KCNIP4: variants seen among roughly 807,000 people sequenced by gnomAD.
The protein encoded by KCNIP4 is Kv channel-interacting protein 4.
Under a neutral mutation model 34.0 loss-of-function variants are expected in KCNIP4, and 12 were observed. The observed-to-expected ratio is 0.35, with a 90% CI of 0.23 to 0.57. The LOEUF is 0.57. KCNIP4 is among the 20% of genes least tolerant of loss of function. The pLI is 0.83. For missense variants in KCNIP4, 238 were observed against 311.7 expected (o/e 0.76, Z 1.78); for synonymous variants, 124 against 102.2 (o/e 1.21, Z -1.29).
intron 1 of KCNIP4, among the ~76,000 whole-genome samples, chr4:21,335,439 C>A (rs571821904): frequency 3.7e-4 from 56 of 152,190 alleles, no homozygotes; most frequent in African/African-American, 1.3e-3. Flanking sequence ...AAATATGATA[C>A]CGAAAGCATT....
At chr4:20,758,542 C>T (rs1021862240) in intron 4 of KCNIP4, among the ~76,000 whole-genome samples, 1 of 151,992 alleles carries the variant, frequency 6.6e-6, no homozygotes, top group Admixed American at 6.6e-5. Flanking sequence ...TTTTTGAGCA[C>T]CCTCATAATA....
At chr4:21,084,651 G>A (rs1328100854) in intron 1 of KCNIP4, among the ~76,000 whole-genome samples, 8 of 150,000 alleles carry the variant, frequency 5.3e-5, no homozygotes. Context: ...ATTTTTAACA[G>A]CACCTTATTC....
intron 1 of KCNIP4, among the ~76,000 whole-genome samples, chr4:20,967,363 T>G (rs1468155454): frequency 1.3e-5 from 2 of 152,100 alleles, no homozygotes; most frequent in African/African-American, 4.8e-5. Context: ...CCCAAGGTAA[T>G]TTGTAGATTC....
At chr4:21,195,199 G>C (rs1475908731) in intron 1 of KCNIP4, among the ~76,000 whole-genome samples, 1 of 152,166 alleles carries the variant, frequency 6.6e-6, no homozygotes, top group African/African-American at 2.4e-5. Context: ...CAGGAGCTGT[G>C]GGCATCACCC....
intron 1 of KCNIP4, among the ~76,000 whole-genome samples, chr4:21,038,553 G>C (rs1321192699): frequency 6.6e-6 from 1 of 152,060 alleles, no homozygotes; most frequent in East Asian, 1.9e-4. Flanking sequence ...TTGGTTGAAG[G>C]AGGGCTTCGA....
intron 1 of KCNIP4, among the ~76,000 whole-genome samples, chr4:21,796,696 G>T (rs1486645484): frequency 2.0e-5 from 3 of 152,134 alleles, no homozygotes; most frequent in Admixed American, 6.6e-5. Context: ...GTTACTTGAT[G>T]ACTACAAATA....
intron 1 of KCNIP4, among the ~76,000 whole-genome samples, chr4:21,239,529 GA>G (rs1434398753): frequency 6.6e-6 from 1 of 151,864 alleles, no homozygotes; most frequent in Non-Finnish European, 1.5e-5. Flanking sequence ...GAATTTACAA[GA>G]AAAAAACAAA....
chr4:21,456,620 T>C (rs1056173413), intron 1 of KCNIP4, among the ~76,000 whole-genome samples: 2 of 147,926 alleles, frequency 1.4e-5, no homozygotes, highest in Admixed American at 6.7e-5. Context: ...TTAAAATGCA[T>C]GTCTTAAGGA....
intron 2 of KCNIP4, among the ~76,000 whole-genome samples, chr4:20,880,578 G>A (rs185987135): frequency 3.9e-5 from 6 of 152,152 alleles, no homozygotes; most frequent in East Asian, 3.9e-4. Flanking sequence ...TTTATCAGAC[G>A]CTGGTGCAGA....
intron 3 of KCNIP4, among the ~76,000 whole-genome samples, chr4:20,768,314 G>A (rs1755593070): frequency 6.6e-6 from 1 of 152,074 alleles, no homozygotes; most frequent in African/African-American, 2.4e-5. Flanking sequence ...CTAAGACCAA[G>A]ACCAAGATAG....
chr4:21,413,066 TG>T (rs1724643360), intron 1 of KCNIP4, among the ~76,000 whole-genome samples: 1 of 152,214 alleles, frequency 6.6e-6, no homozygotes, highest in African/African-American at 2.4e-5. Context: ...GATTCACTGA[TG>T]GCATTTCCTC....
At chr4:21,455,689 T>C (rs575973663) in intron 1 of KCNIP4, among the ~76,000 whole-genome samples, 4 of 149,610 alleles carry the variant, frequency 2.7e-5, no homozygotes, top group African/African-American at 9.8e-5. Flanking sequence ...CTCAACCAAG[T>C]TTCTATCTAC....
At chr4:21,667,583 C>A (rs1749093532) in intron 1 of KCNIP4, among the ~76,000 whole-genome samples, 1 of 152,170 alleles carries the variant, frequency 6.6e-6, no homozygotes, top group Non-Finnish European at 1.5e-5. Flanking sequence ...AATTTCAAGT[C>A]TATGATGATT....
At chr4:20,846,688 C>A (rs1410460528) in intron 3 of KCNIP4, among the ~76,000 whole-genome samples, 1 of 152,110 alleles carries the variant, frequency 6.6e-6, no homozygotes, top group African/African-American at 2.4e-5. Context: ...CACACACACA[C>A]CAAAGACTTC....
At chr4:21,836,913 A>ATTTTTTT (rs1560750990) in intron 1 of KCNIP4, among the ~76,000 whole-genome samples, 1 of 60,332 alleles carries the variant, frequency 1.7e-5, no homozygotes, top group African/African-American at 5.8e-5. Flanking sequence ...AGCTGGGATA[A>ATTTTTTT]ATTTTTTTTT....
intron 3 of KCNIP4, among the ~76,000 whole-genome samples, chr4:20,787,499 T>G (rs970275463): frequency 6.6e-6 from 1 of 152,124 alleles, no homozygotes; most frequent in African/African-American, 2.4e-5. Flanking sequence ...ATTTTATTTT[T>G]GGCGCTATTA....
At chr4:20,880,037 C>T (rs1410734053) in intron 2 of KCNIP4, among the ~76,000 whole-genome samples, 4 of 151,948 alleles carry the variant, frequency 2.6e-5, no homozygotes, top group Non-Finnish European at 5.9e-5. Flanking sequence ...ATTATGCTTG[C>T]CATTAAAAAT....
intron 3 of KCNIP4, among the ~76,000 whole-genome samples, chr4:20,831,903 A>G (rs1021417108): frequency 2.0e-5 from 3 of 152,232 alleles, no homozygotes; most frequent in African/African-American, 7.2e-5. Flanking sequence ...CATGAAGAAT[A>G]TGATTGCCTA....
At chr4:20,762,557 G>A (rs549704800) in intron 3 of KCNIP4, among the ~76,000 whole-genome samples, 1 of 152,258 alleles carries the variant, frequency 6.6e-6, no homozygotes, top group African/African-American at 2.4e-5. Flanking sequence ...CACCTCTTCT[G>A]TGCAGTGATC....
Sources: gnomAD v4.1 joint callset for allele counts (sites outside exome capture counted in the v4.1 genomes callset) on GRCh38, gnomAD v4.1.1 for gene constraint, MANE v1.5 for transcripts, NCBI Gene and HGNC (gene_info 2026-07-23, HGNC 2026-07-21) for gene names.